The following RALYL variants were observed in gnomAD, a reference collection of about 807,000 sequenced individuals.
The protein encoded by RALYL is RNA-binding Raly-like protein.
Under a neutral mutation model 35.1 loss-of-function variants are expected in RALYL, and 29 were observed. The ratio of observed to expected loss-of-function variants is 0.83; its 90% CI spans 0.61 to 1.13. The LOEUF (loss-of-function observed/expected upper bound fraction) is 1.13, where lower values mean the gene tolerates loss of function less well. RALYL is among the 50% of genes most tolerant of loss of function. The pLI, the probability that RALYL is intolerant of heterozygous loss-of-function variation, is 0.00. For synonymous variants in RALYL, 120 were observed against 127.6 expected, an observed-to-expected ratio of 0.94 and a Z score of 0.40; for missense variants, 359 against 360.4, an observed-to-expected ratio of 1.00 and a Z score of 0.03.
chr8:84,378,703 T>C (rs758056938), intron 1 of RALYL, among the ~76,000 whole-genome samples: 1 of 151,822 alleles, frequency 6.6e-6, no homozygotes, highest in South Asian at 2.1e-4. Context: ...CTAGCTGATA[T>C]GCCTTTTTGA....
chr8:84,457,066 T>C (rs2050214093), intron 1 of RALYL, among the ~76,000 whole-genome samples: 1 of 151,980 alleles, frequency 6.6e-6, no homozygotes, highest in Admixed American at 6.6e-5. Flanking sequence ...TTAAAACATC[T>C]AATTTTTTCC....
intron 1 of RALYL, among the ~76,000 whole-genome samples, chr8:84,213,326 G>A (rs1819969290): frequency 6.6e-6 from 1 of 152,084 alleles, no homozygotes; most frequent in African/African-American, 2.4e-5. Context: ...GGGAGACAGA[G>A]GTTGCAGTGA....
rs538023609 is a variant in RALYL at position 84,796,662 on chromosome 8, G to A, written c.333-8108G>A. On this transcript the variant is annotated intron_variant, in intron 3 of 8. Transcript: ENST00000521268. ...CAGAATGCCTTGGAATGATTAAAAT[G>A]TCATATGGATGTGTTTAGATTACAA... 1.1e-4 allele frequency among the ~76,000 whole-genome samples: 17 copies of A among 152,288 alleles called. No individual in the cohort carries two copies. The South Asian group carries it at 3.1e-3, about 28-fold the overall frequency.
intron 1 of RALYL, among the ~76,000 whole-genome samples, chr8:84,491,295 G>T (rs2055272274): frequency 6.6e-6 from 1 of 151,838 alleles, no homozygotes; most frequent in South Asian, 2.1e-4. Flanking sequence ...TATAAAAACA[G>T]CATTCAAAAT....
At chr8:84,507,203 C>T (rs925170980) in intron 1 of RALYL, among the ~76,000 whole-genome samples, 2 of 152,058 alleles carry the variant, frequency 1.3e-5, no homozygotes, top group Admixed American at 6.6e-5. Flanking sequence ...ATTTGTCCAT[C>T]AGATATAAAA....
Position 84,459,430 on chromosome 8 carries a change from T to C in RALYL, c.-23-69869T>C, listed in dbSNP as rs2050495307. ...ATTGTGTGGGAGTGTAAACTGCAAATAAAAGTAAACAAACATAAAATGGGG... is the reference window on the plus strand; with the variant it reads ...ATTGTGTGGGAGTGTAAACTGCAAACAAAAGTAAACAAACATAAAATGGGG... On this transcript the variant is annotated intron_variant, in intron 1 of 8. Coordinates refer to ENST00000521268, the MANE Select transcript of RALYL (RefSeq NM_173848.7). Among the ~76,000 whole-genome samples, 5 of 151,744 alleles carry C rather than the reference T, an allele frequency of 3.3e-5. No homozygotes were observed. In the South Asian group the frequency reaches 8.3e-4, roughly 25 times the overall value.
chr8:84,606,530 G>T (rs531041764), intron 2 of RALYL, among the ~76,000 whole-genome samples: 1 of 152,122 alleles, frequency 6.6e-6, no homozygotes, highest in African/African-American at 2.4e-5. Flanking sequence ...ACTTAATATG[G>T]AGTCTTTAAT....
intron 1 of RALYL, among the ~76,000 whole-genome samples, chr8:84,448,450 C>A (rs922781828): frequency 6.6e-6 from 1 of 152,054 alleles, no homozygotes; most frequent in Non-Finnish European, 1.5e-5. Context: ...GATACCTATT[C>A]TCTTGCCTCA....
rs116503778 is a variant in RALYL at position 84,355,284 on chromosome 8, C to A, written c.-24+170860C>A. Among the ~76,000 whole-genome samples, 3 of 150,422 alleles carry A rather than the reference C, an allele frequency of 2.0e-5. 1 individual carries two copies. The highest frequency in any genetic ancestry group is 4.4e-5 in the Non-Finnish European group (3 of 67,754). On this transcript the variant is annotated intron_variant, in intron 1 of 8. Transcript: ENST00000521268. Reference sequence around the variant, plus strand: ...AATGATGAATATGTCACATCAGCTGCCCCATATCGCATAGTTTAGTGGCAG... The same window carrying A: ...AATGATGAATATGTCACATCAGCTGACCCATATCGCATAGTTTAGTGGCAG...
chr8:84,467,215 A>G (rs142717927), intron 1 of RALYL, among the ~76,000 whole-genome samples: 9,557 of 151,608 alleles, frequency 0.063, 312 homozygotes, highest in East Asian at 0.14. Flanking sequence ...TGCTTTTCTA[A>G]TTCTTTTAAT....
chr8:84,532,291 C>A (rs1189217579), intron 2 of RALYL, among the ~76,000 whole-genome samples: 1 of 151,892 alleles, frequency 6.6e-6, no homozygotes, highest in East Asian at 1.9e-4. Flanking sequence ...TCCAATTGTT[C>A]CCTATAGAAG....
At chr8:84,244,564 T>C (rs906060394) in intron 1 of RALYL, among the ~76,000 whole-genome samples, 1 of 152,352 alleles carries the variant, frequency 6.6e-6, no homozygotes, top group East Asian at 1.9e-4. Flanking sequence ...TTCCACTTTT[T>C]GCCCACTGTA....
intron 1 of RALYL, among the ~76,000 whole-genome samples, chr8:84,270,290 C>T (rs182971594): frequency 2.2e-3 from 341 of 152,226 alleles, no homozygotes; most frequent in Non-Finnish European, 4.1e-3. Context: ...GGTCAAGGGA[C>T]GTGGTGATGG....
chr8:84,742,249 C>G (rs1240931428), intron 2 of RALYL, among the ~76,000 whole-genome samples: 1 of 151,802 alleles, frequency 6.6e-6, no homozygotes, highest in African/African-American at 2.4e-5. Flanking sequence ...TATGTAATAG[C>G]AAAATTTTCT....
At chr8:84,703,902 A>G (rs1316797617) in intron 2 of RALYL, among the ~76,000 whole-genome samples, 1 of 152,176 alleles carries the variant, frequency 6.6e-6, no homozygotes, top group Admixed American at 6.5e-5. Flanking sequence ...ACATCATTAG[A>G]TCTTCATACC....
rs888928548 is a variant in RALYL, at chr8:84,214,278, C to T, written c.-24+29854C>T. Among the ~76,000 whole-genome samples, 5 of 151,972 alleles carry T rather than the reference C, an allele frequency of 3.3e-5. No individual in the cohort carries two copies. The East Asian group carries it at 9.6e-4, about 29-fold the overall frequency. ...TAAGGAATTGGTATCATTTCATATA[C>T]ATATAATAAGAAATAGAATTGTGGA... On this transcript the variant is annotated intron_variant, in intron 1 of 8. Transcript: ENST00000521268.
chr8:84,222,277 T>G (rs1346249015), intron 1 of RALYL, among the ~76,000 whole-genome samples: 2 of 152,178 alleles, frequency 1.3e-5, no homozygotes, highest in East Asian at 3.9e-4. Flanking sequence ...AACCAATTTA[T>G]TGAACCAATT....
chr8:84,604,215 T>A (rs1379824720), intron 2 of RALYL, among the ~76,000 whole-genome samples: 1 of 152,124 alleles, frequency 6.6e-6, no homozygotes, highest in Non-Finnish European at 1.5e-5. Flanking sequence ...ATGCCCTATC[T>A]GCCCAAATAT....
At chr8:84,659,110 G>A (rs1285975204) in intron 2 of RALYL, among the ~76,000 whole-genome samples, 1 of 152,156 alleles carries the variant, frequency 6.6e-6, no homozygotes, top group Non-Finnish European at 1.5e-5. Flanking sequence ...TGACCAAGGA[G>A]CTAGTTAGAC....
Sources: gnomAD v4.1 joint callset for allele counts (sites outside exome capture counted in the v4.1 genomes callset) on GRCh38, gnomAD v4.1.1 for gene constraint, MANE v1.5 for transcripts, NCBI Gene and HGNC (gene_info 2026-07-23, HGNC 2026-07-21) for gene names.